Variants in SNAP29 observed in about 807,000 individuals in gnomAD.
SNAP29 encodes the protein synaptosomal-associated protein 29.
In SNAP29, 13 loss-of-function variants were observed where a neutral mutation model predicts 27.9. The observed-to-expected ratio is 0.47, with a 90% CI of 0.30 to 0.74. The LOEUF (loss-of-function observed/expected upper bound fraction) is 0.74, where lower values mean the gene tolerates loss of function less well. Among genes scored for constraint, SNAP29 ranks in the 30% least tolerant of loss-of-function variants. The probability of loss-of-function intolerance (pLI) is 0.06; values close to 1 mark genes in which losing one functional copy is unlikely to be tolerated. For synonymous variants in SNAP29, 119 were observed against 127.1 expected (o/e 0.94, Z 0.43); for missense variants, 368 against 336.5 (o/e 1.09, Z -0.73).
At chr22:20,864,564 C>A (rs1301182755) in intron 1 of SNAP29, among the ~76,000 whole-genome samples, 1 of 152,190 alleles carries the variant, frequency 6.6e-6, no homozygotes, top group Non-Finnish European at 1.5e-5. Context: ...CCAAAGTCAC[C>A]CCTCTGAGGC....
chr22:20,875,806 T>G (rs2147867704), intron 2 of SNAP29, among the ~76,000 whole-genome samples: 1 of 152,096 alleles, frequency 6.6e-6, no homozygotes, highest in Non-Finnish European at 1.5e-5. Context: ...ATAAAAAATT[T>G]TTAAAGCTGG....
intron 1 of SNAP29, among the ~76,000 whole-genome samples, chr22:20,865,036 T>G (rs1305674007): frequency 6.6e-6 from 1 of 152,172 alleles, no homozygotes; most frequent in Admixed American, 6.5e-5. Flanking sequence ...TTAATTAATT[T>G]TTGGTAAACT....
intron 2 of SNAP29, among the ~76,000 whole-genome samples, chr22:20,878,313 G>A (rs193070549): frequency 5.3e-4 from 81 of 152,116 alleles, no homozygotes; most frequent in South Asian, 3.5e-3. Flanking sequence ...AGGCCGAGGC[G>A]GGCAGATCAT....
intron 4 of SNAP29, among the ~76,000 whole-genome samples, chr22:20,885,627 C>G (rs2147873404): frequency 6.6e-6 from 1 of 152,314 alleles, no homozygotes; most frequent in Admixed American, 6.5e-5. Context: ...AAGGATACTG[C>G]ATTCAGAGGC....
intron 2 of SNAP29, among the ~76,000 whole-genome samples, chr22:20,877,511 G>A (rs1196206592): frequency 3.3e-5 from 5 of 151,798 alleles, no homozygotes; most frequent in Non-Finnish European, 5.9e-5. Context: ...AGCCAAGATC[G>A]CACCATTGTA....
intron 2 of SNAP29, among the ~76,000 whole-genome samples, chr22:20,876,025 A>G (rs1179907933): frequency 6.6e-6 from 1 of 151,608 alleles, no homozygotes; most frequent in Non-Finnish European, 1.5e-5. Flanking sequence ...GCCAGGGGTG[A>G]TGGTGGGCAC....
chr22:20,886,603 T>A (rs1929021207), intron 4 of SNAP29, among the ~76,000 whole-genome samples: 2 of 131,736 alleles, frequency 1.5e-5, no homozygotes, highest in South Asian at 4.9e-4. Flanking sequence ...GCCACCACAC[T>A]CAGCCTATCT....
At chr22:20,878,963 G>C (rs954212055) in intron 2 of SNAP29, among the ~76,000 whole-genome samples, 1 of 152,124 alleles carries the variant, frequency 6.6e-6, no homozygotes, top group African/African-American at 2.4e-5. Context: ...AGGGACTTAC[G>C]TGATGAGAAA....
intron 2 of SNAP29, among the ~76,000 whole-genome samples, chr22:20,876,021 G>T (rs892269175): frequency 6.6e-6 from 1 of 151,744 alleles, no homozygotes; most frequent in Non-Finnish European, 1.5e-5. Flanking sequence ...ATTAGCCAGG[G>T]GTGATGGTGG....
Position 20,888,439 on chromosome 22 carries a change from T to C in SNAP29, c.*603T>C. 1 of 166,272 alleles carries C rather than the reference T, an allele frequency of 6.0e-6. No individual in the cohort carries two copies. The highest frequency in any genetic ancestry group is 1.3e-5 in the Non-Finnish European group (1 of 76,588). The allele number at this position is 166,272 out of a possible 1,614,324, so 10.3% of individuals were successfully genotyped here. ...TGGGAAATAGAGTGTGCCATCTTGC[T>C]CTTTTGTTGGCAGATGTCCCCGCTT... On this transcript the variant is annotated 3_prime_UTR_variant, in exon 5 of 5. Coordinates refer to ENST00000215730, the MANE Select transcript of SNAP29 (RefSeq NM_004782.4).
At position 20,859,012 on chromosome 22, in the gene SNAP29, C is replaced by T; in HGVS notation, c.-99C>T. On this transcript the variant is annotated 5_prime_UTR_variant, in exon 1 of 5. Coordinates refer to ENST00000215730, the MANE Select transcript of SNAP29 (RefSeq NM_004782.4). ...GCGCGCGACGCGCGGAAGGAGTTCG[C>T]GCGACGACCGCGGGGTCGGCGGGCG... 1.5e-6 allele frequency: 2 copies of T among 1,363,694 alleles called. No homozygotes were observed. Among genetic ancestry groups the T allele is most frequent in the South Asian group, 1.4e-5 (1 of 72,462 alleles). 84.5% of individuals were successfully genotyped at this position (1,363,694 alleles called of 1,614,324 possible).
Position 20,868,622 on chromosome 22 carries a change from C to A in SNAP29, c.238-1715C>A, listed in dbSNP as rs1411431747. Among the ~76,000 whole-genome samples the A allele has an allele frequency of 2.7e-5, 4 of 148,114 alleles. No individual in the cohort carries two copies. The South Asian group carries it at 6.4e-4, about 24-fold the overall frequency. ...ATCAAGAGAGAATATATCTAAAAAACATTTGCATAGTTAGTGTAATTGCTA... is the reference window on the plus strand; with the variant it reads ...ATCAAGAGAGAATATATCTAAAAAAAATTTGCATAGTTAGTGTAATTGCTA... On this transcript the variant is annotated intron_variant, in intron 1 of 4. Coordinates refer to ENST00000215730, the MANE Select transcript of SNAP29 (RefSeq NM_004782.4).
chr22:20,890,039 T>C lies in SNAP29; in HGVS notation c.*2203T>C, dbSNP rs1268966314. ...CGTCTGACATATTAGAGGGCCTCGT[T>C]TTGTCCTGTTCTTGTTCAGACCCTC... On this transcript the variant is annotated 3_prime_UTR_variant, in exon 5 of 5. Coordinates refer to ENST00000215730, the MANE Select transcript of SNAP29 (RefSeq NM_004782.4). 2.6e-6 allele frequency: 1 copy of C among 385,086 alleles called. No homozygotes were observed. Among genetic ancestry groups the C allele is most frequent in the Non-Finnish European group, 4.6e-6 (1 of 218,284 alleles). The allele number at this position is 385,086 out of a possible 1,614,324, so 23.9% of individuals were successfully genotyped here. A position where few individuals can be genotyped will look rare whatever the true frequency, so the allele number is the denominator to read the frequency against.
intron 2 of SNAP29, among the ~76,000 whole-genome samples, chr22:20,880,431 G>C (rs1045136783): frequency 6.6e-6 from 1 of 151,498 alleles, no homozygotes; most frequent in Non-Finnish European, 1.5e-5. Context: ...ACTTGAACCC[G>C]AGAGGCAGAG....
intron 1 of SNAP29, among the ~76,000 whole-genome samples, chr22:20,869,705 G>A (rs902210610): frequency 6.6e-6 from 1 of 152,166 alleles, no homozygotes; most frequent in Admixed American, 6.5e-5. Flanking sequence ...GAGTTGGAGG[G>A]CTAGAGAGAA....
At chr22:20,874,222 C>T (rs901655899) in intron 2 of SNAP29, among the ~76,000 whole-genome samples, 1 of 143,948 alleles carries the variant, frequency 6.9e-6, no homozygotes, top group African/African-American at 2.5e-5. Context: ...TTACAGTGAG[C>T]TGAGATCACG....
intron 3 of SNAP29, 66 bp downstream of exon 3, chr22:20,881,200 G>A: frequency 1.8e-6 from 2 of 1,133,362 alleles, no homozygotes; most frequent in South Asian, 1.3e-5. Context: ...GTTTGGCGTT[G>A]GTCCTTGGGG....
At chr22:20,863,906 A>G (rs1479924534) in intron 1 of SNAP29, among the ~76,000 whole-genome samples, 5 of 152,036 alleles carry the variant, frequency 3.3e-5, no homozygotes, top group African/African-American at 7.2e-5. Flanking sequence ...TGTGCTTAAT[A>G]GAATGGAGTT....
chr22:20,889,021 G>T lies in SNAP29; in HGVS notation c.*1185G>T, dbSNP rs542990607. ...TCATGCAGAAGCATCAATTAAAACTGATTTATTTATGTTGGTACATCCAAC... is the reference window on the plus strand; with the variant it reads ...TCATGCAGAAGCATCAATTAAAACTTATTTATTTATGTTGGTACATCCAAC... On this transcript the variant is annotated 3_prime_UTR_variant, in exon 5 of 5. Coordinates refer to ENST00000215730, the MANE Select transcript of SNAP29 (RefSeq NM_004782.4). 1 of 152,262 alleles carries T rather than the reference G, an allele frequency of 6.6e-6. No homozygotes were observed. Among genetic ancestry groups the T allele is most frequent in the African/African-American group, 2.4e-5 (1 of 41,554 alleles). 9.4% of individuals were successfully genotyped at this position (152,262 alleles called of 1,614,324 possible).
Sources: allele counts gnomAD v4.1 joint callset (sites outside exome capture counted in the v4.1 genomes callset), GRCh38; gene constraint gnomAD v4.1.1; transcripts MANE v1.5; gene names NCBI Gene and HGNC (gene_info 2026-07-23, HGNC 2026-07-21).